The following PPFIA1 variants were observed in gnomAD, a reference collection of about 807,000 sequenced individuals.
The protein encoded by PPFIA1 is PPFI scaffold protein A1, also known as liprin-alpha-1.
A neutral mutation model predicts 149.9 loss-of-function variants in PPFIA1; 25 were observed. The ratio of observed to expected loss-of-function variants is 0.17; its 90% CI spans 0.12 to 0.23. PPFIA1 has a LOEUF of 0.23. PPFIA1 is among the 10% of genes least tolerant of loss of function. The pLI is 1.00. For missense variants in PPFIA1, 1,362 were observed against 1,506.5 expected (o/e 0.90, Z 1.59); for synonymous variants, 549 against 552.8 (o/e 0.99, Z 0.10).
intron 7 of PPFIA1, among the ~76,000 whole-genome samples, chr11:70,329,306 T>G (rs1292276770): frequency 6.6e-6 from 1 of 152,226 alleles, no homozygotes; most frequent in East Asian, 1.9e-4. Flanking sequence ...CTTGGTCAAC[T>G]GAGTGGCCAG....
chr11:70,313,692 G>A (rs1158257769), intron 2 of PPFIA1, among the ~76,000 whole-genome samples: 1 of 152,186 alleles, frequency 6.6e-6, no homozygotes, highest in Non-Finnish European at 1.5e-5. Flanking sequence ...CTTATGAGGA[G>A]TTGGGAGCTT....
chr11:70,350,718 G>T (rs1591308535), intron 16 of PPFIA1, among the ~76,000 whole-genome samples: 1 of 152,150 alleles, frequency 6.6e-6, no homozygotes, highest in African/African-American at 2.4e-5. Context: ...GATTGTTAGG[G>T]CCTTTTATTA....
intron 2 of PPFIA1, among the ~76,000 whole-genome samples, chr11:70,279,799 G>A (rs2050636092): frequency 6.7e-6 from 1 of 150,272 alleles, no homozygotes; most frequent in South Asian, 2.1e-4. Context: ...CTGTTGCCCA[G>A]GGTGGTCTTG....
At position 70,362,182 on chromosome 11, in the gene PPFIA1, T is replaced by C; in HGVS notation, c.2664+6T>C. On this transcript the variant is annotated splice_donor_region_variant and intron_variant, in intron 20 of 27. Transcript: ENST00000253925. ...CGGTTGTGGTCTGGCTAGAGGTACA[T>C]CCTTCATTTAACATGCAGTTGCGTG... The C allele has an allele frequency of 6.2e-7, 1 of 1,614,178 alleles. No individual in the cohort carries two copies. Among genetic ancestry groups the C allele is most frequent in the Non-Finnish European group, 8.5e-7 (1 of 1,179,978 alleles).
chr11:70,310,652 G>C (rs964869420), intron 2 of PPFIA1, among the ~76,000 whole-genome samples: 1 of 152,126 alleles, frequency 6.6e-6, no homozygotes, highest in African/African-American at 2.4e-5. Flanking sequence ...CCAAGGTTCT[G>C]GGATTACAGG....
chr11:70,377,794 T>C (rs1386272213), intron 25 of PPFIA1, among the ~76,000 whole-genome samples: 1 of 152,220 alleles, frequency 6.6e-6, no homozygotes, highest in East Asian at 1.9e-4. Flanking sequence ...CACATCCTCA[T>C]GGCCCAGCAC....
intron 2 of PPFIA1, among the ~76,000 whole-genome samples, chr11:70,296,752 A>AGGGAGG (rs1308110519): frequency 7.3e-5 from 2 of 27,344 alleles, no homozygotes; most frequent in African/African-American, 2.2e-4. Flanking sequence ...GGAGAGAGGG[A>AGGGAGG]GGGAGGGAGG....
chr11:70,357,786 A>G (rs1005237561), intron 19 of PPFIA1, among the ~76,000 whole-genome samples: 44 of 152,022 alleles, frequency 2.9e-4, no homozygotes, highest in Admixed American at 1.1e-3. Context: ...ACGGGGTTTC[A>G]CCATGTTAGC....
chr11:70,316,907 T>C (rs1404708263), intron 2 of PPFIA1, among the ~76,000 whole-genome samples: 1 of 152,234 alleles, frequency 6.6e-6, no homozygotes, highest in Non-Finnish European at 1.5e-5. Context: ...GTGATAAACA[T>C]CAGCATTATC....
intron 9 of PPFIA1, chr11:70,332,911 A>G (rs1253084048): frequency 1.5e-5 from 6 of 407,648 alleles, no homozygotes; most frequent in East Asian, 1.5e-4. Context: ...CCTTCTAGCA[A>G]GTTTGTTGCT....
intron 2 of PPFIA1, among the ~76,000 whole-genome samples, chr11:70,303,787 C>G (rs902117631): frequency 6.6e-6 from 1 of 152,198 alleles, no homozygotes; most frequent in Admixed American, 6.5e-5. Flanking sequence ...AGGCGGATCA[C>G]TTGAGGTCAG....
At chr11:70,353,765 G>C (rs1341372676) in intron 16 of PPFIA1, among the ~76,000 whole-genome samples, 5 of 152,106 alleles carry the variant, frequency 3.3e-5, no homozygotes, top group Non-Finnish European at 7.4e-5. Context: ...ATGTGTATGG[G>C]GGTCATGGGC....
intron 7 of PPFIA1, among the ~76,000 whole-genome samples, chr11:70,329,646 A>C (rs2054538079): frequency 6.6e-6 from 1 of 152,154 alleles, no homozygotes; most frequent in South Asian, 2.1e-4. Flanking sequence ...TTGGCCAGGG[A>C]CACTGGCTCA....
At position 70,302,092 on chromosome 11, in the gene PPFIA1, GC is replaced by G. The variant is rs551581274; in HGVS notation, c.265-22309del. Among the ~76,000 whole-genome samples the G allele has an allele frequency of 2.4e-4, 36 of 152,352 alleles. No homozygotes were observed. The East Asian group carries it at 6.2e-3, about 26-fold the overall frequency. Reference sequence around the variant, plus strand: ...GCAGTGGCACAGTAGACAGAATCCAGCATAGCACAGGAAAGGAGCTGGCCAG... The same window carrying G: ...GCAGTGGCACAGTAGACAGAATCCAGATAGCACAGGAAAGGAGCTGGCCAG... On this transcript the variant is annotated intron_variant, in intron 2 of 27. Transcript: ENST00000253925.
At chr11:70,329,076 G>A (rs565295905) in intron 7 of PPFIA1, among the ~76,000 whole-genome samples, 1 of 152,100 alleles carries the variant, frequency 6.6e-6, no homozygotes, top group African/African-American at 2.4e-5. Context: ...CTTGAGTCTT[G>A]TAATTGTATG....
intron 19 of PPFIA1, chr11:70,358,697 C>T (rs2137424988): frequency 6.6e-6 from 1 of 152,330 alleles, no homozygotes; most frequent in East Asian, 1.9e-4. Flanking sequence ...AAAATTTACA[C>T]AGCCAGATGC....
In PPFIA1 at chr11:70,369,706, A is replaced by G. The variant is rs537844361; in HGVS notation, c.2866-2509A>G. 4.6e-5 allele frequency among the ~76,000 whole-genome samples: 7 copies of G among 152,304 alleles called. No homozygotes were observed. The South Asian group carries it at 1.4e-3, about 32-fold the overall frequency. ...GCTTTGGTAGTTTATCTTTTAAGAAATTTGTCCATTTCATCTAAGTTGCTT... is the reference window on the plus strand; with the variant it reads ...GCTTTGGTAGTTTATCTTTTAAGAAGTTTGTCCATTTCATCTAAGTTGCTT... On this transcript the variant is annotated intron_variant, in intron 21 of 27. Coordinates refer to ENST00000253925, the MANE Select transcript of PPFIA1 (RefSeq NM_003626.5).
chr11:70,360,509 A>G (rs2056586255), intron 19 of PPFIA1, among the ~76,000 whole-genome samples: 1 of 152,234 alleles, frequency 6.6e-6, no homozygotes, highest in South Asian at 2.1e-4. Context: ...GTTAGCGTTC[A>G]GAGCTTTTTC....
At chr11:70,321,788 A>C (rs754896766) in intron 2 of PPFIA1, among the ~76,000 whole-genome samples, 1 of 152,238 alleles carries the variant, frequency 6.6e-6, no homozygotes, top group African/African-American at 2.4e-5. Flanking sequence ...ACAATGATAA[A>C]ATTCAAGGTC....
Sources: gnomAD v4.1 joint callset for allele counts (sites outside exome capture counted in the v4.1 genomes callset) on GRCh38, gnomAD v4.1.1 for gene constraint, MANE v1.5 for transcripts, NCBI Gene and HGNC (gene_info 2026-07-23, HGNC 2026-07-21) for gene names.